TNNI3K: variants seen among roughly 807,000 people sequenced by gnomAD.
TNNI3K encodes TNNI3 interacting kinase.
A neutral mutation model predicts 114.5 loss-of-function variants in TNNI3K; 140 were observed. The observed-to-expected ratio is 1.22, with a 90% CI of 1.07 to 1.41. The LOEUF is 1.41. Among genes scored for constraint, TNNI3K ranks in the 40% most tolerant of loss-of-function variants. The pLI, the probability that TNNI3K is intolerant of heterozygous loss-of-function variation, is 0.00. For missense variants in TNNI3K, 1,125 were observed against 1,007.6 expected, an observed-to-expected ratio of 1.12 and a Z score of -1.58; for synonymous variants, 347 against 347.5, an observed-to-expected ratio of 1.00 and a Z score of 0.02.
chr1:74,499,272 G>T (rs1001361166), intron 23 of TNNI3K, among the ~76,000 whole-genome samples: 2 of 152,156 alleles, frequency 1.3e-5, no homozygotes, highest in Non-Finnish European at 2.9e-5. Flanking sequence ...CTCCTGAGTA[G>T]CTGGGACTAC....
intron 17 of TNNI3K, among the ~76,000 whole-genome samples, chr1:74,399,021 T>C (rs985550412): frequency 6.6e-6 from 1 of 151,624 alleles, no homozygotes; most frequent in African/African-American, 2.4e-5. Flanking sequence ...CCAGGCATGG[T>C]GGCGGGCGCC....
intron 23 of TNNI3K, among the ~76,000 whole-genome samples, chr1:74,538,500 T>A (rs578176836): frequency 1.3e-5 from 2 of 152,052 alleles, no homozygotes; most frequent in East Asian, 1.9e-4. Flanking sequence ...CCCACCCTCA[T>A]TGTGTGGAAA....
intron 17 of TNNI3K, chr1:74,416,221 G>C (rs1021816204): frequency 1.4e-5 from 12 of 884,570 alleles, no homozygotes; most frequent in Non-Finnish European, 1.6e-5. Flanking sequence ...ATTCAAAGAC[G>C]TGAGGAGTTT....
chr1:74,465,646 C>T lies in TNNI3K; in HGVS notation c.2121+2096C>T, dbSNP rs915327565. Among the ~76,000 whole-genome samples, 9 of 152,210 alleles carry T rather than the reference C, an allele frequency of 5.9e-5. No homozygotes were observed. The East Asian group carries it at 9.7e-4, about 16-fold the overall frequency. On this transcript the variant is annotated intron_variant, in intron 21 of 24. Coordinates refer to ENST00000326637, the MANE Select transcript of TNNI3K (RefSeq NM_015978.3). ...GCCCAAAGGCTGAGGAGTGCAGGCG[C>T]ATGATGCAGGACTGGTGGGCAGCTC... is the stretch of plus-strand genomic sequence containing the variant.
intron 23 of TNNI3K, among the ~76,000 whole-genome samples, chr1:74,520,261 C>G (rs1378233062): frequency 6.6e-6 from 1 of 152,140 alleles, no homozygotes. Flanking sequence ...AAAATTGACT[C>G]AACTGGAATC....
chr1:74,480,167 AC>A, intron 21 of TNNI3K: 1 of 716,870 alleles, frequency 1.4e-6, no homozygotes, highest in Non-Finnish European at 2.6e-6. Context: ...GAAGCCAAGG[AC>A]AGTCAGCAGG....
At chr1:74,438,339 A>G (rs1197556750) in intron 19 of TNNI3K, among the ~76,000 whole-genome samples, 1 of 152,068 alleles carries the variant, frequency 6.6e-6, no homozygotes, top group Non-Finnish European at 1.5e-5. Flanking sequence ...GAATAAAGAT[A>G]TTATTGGAAA....
chr1:74,384,088 A>C (rs1003027889), intron 17 of TNNI3K, among the ~76,000 whole-genome samples: 1 of 152,202 alleles, frequency 6.6e-6, no homozygotes, highest in Non-Finnish European at 1.5e-5. Context: ...GCACTGACTG[A>C]ATAGCAATGC....
intron 7 of TNNI3K, among the ~76,000 whole-genome samples, chr1:74,339,960 A>C (rs1307737024): frequency 1.3e-5 from 2 of 152,086 alleles, no homozygotes; most frequent in Non-Finnish European, 2.9e-5. Flanking sequence ...ACAGAGCTGG[A>C]TATTACAGAA....
chr1:74,465,344 C>G (rs1449149315), intron 21 of TNNI3K, among the ~76,000 whole-genome samples: 1 of 152,190 alleles, frequency 6.6e-6, no homozygotes, highest in Non-Finnish European at 1.5e-5. Context: ...TGGGTGCAGG[C>G]CCCATACTTG....
chr1:74,414,779 C>A (rs1327453075), intron 17 of TNNI3K, among the ~76,000 whole-genome samples: 2 of 152,192 alleles, frequency 1.3e-5, no homozygotes, highest in African/African-American at 4.8e-5. Context: ...TCACTATCGG[C>A]ATCACTGCCA....
chr1:74,499,882 G>T (rs1669519954), intron 23 of TNNI3K, among the ~76,000 whole-genome samples: 1 of 151,992 alleles, frequency 6.6e-6, no homozygotes, highest in Non-Finnish European at 1.5e-5. Context: ...GTGATAAATA[G>T]TTACATCCAT....
intron 24 of TNNI3K, among the ~76,000 whole-genome samples, chr1:74,540,936 G>T (rs1475571442): frequency 6.6e-6 from 1 of 152,096 alleles, no homozygotes; most frequent in Non-Finnish European, 1.5e-5. Context: ...TCAGGCCTCT[G>T]GAAGCCAGAG....
In TNNI3K at chr1:74,436,562, C is replaced by T. The variant is rs1168117782; in HGVS notation, c.1878+36C>T. The T allele has an allele frequency of 2.6e-6, 4 of 1,566,374 alleles. No individual in the cohort carries two copies. In the East Asian group the frequency reaches 9.2e-5, roughly 36 times the overall value. On this transcript the variant is annotated intron_variant, in intron 19 of 24. Transcript: ENST00000326637. Reference sequence around the variant, plus strand: ...GCTTGTGTTTCCTATAATTATAAACCAATTAAAATATGTAAACTCAGCATG... The same window carrying T: ...GCTTGTGTTTCCTATAATTATAAACTAATTAAAATATGTAAACTCAGCATG...
intron 20 of TNNI3K, among the ~76,000 whole-genome samples, chr1:74,455,615 T>C (rs1290481414): frequency 6.6e-6 from 1 of 152,340 alleles, no homozygotes; most frequent in Non-Finnish European, 1.5e-5. Context: ...AAGTCAGTGA[T>C]GTAATTCAGT....
chr1:74,379,260 G>A (rs957534048), intron 17 of TNNI3K, among the ~76,000 whole-genome samples: 1 of 151,856 alleles, frequency 6.6e-6, no homozygotes, highest in East Asian at 1.9e-4. Context: ...ATAATAGTAT[G>A]AAATAGGCTA....
intron 2 of TNNI3K, among the ~76,000 whole-genome samples, chr1:74,237,645 G>A (rs1356374485): frequency 6.6e-6 from 1 of 151,958 alleles, no homozygotes; most frequent in Non-Finnish European, 1.5e-5. Context: ...ACAACTACAA[G>A]CTGTTTTGAC....
intron 22 of TNNI3K, among the ~76,000 whole-genome samples, chr1:74,490,396 G>T (rs528251544): frequency 6.6e-6 from 1 of 152,170 alleles, no homozygotes; most frequent in Non-Finnish European, 1.5e-5. Flanking sequence ...TTGAAACTTA[G>T]GGTTTGAGTG....
Position 74,492,205 on chromosome 1 carries a change from A to G in TNNI3K, c.2290A>G (p.Arg764Gly). 6.2e-7 allele frequency: 1 copy of G among 1,613,096 alleles called. No homozygotes were observed. Among genetic ancestry groups the G allele is most frequent in the Non-Finnish European group, 8.5e-7 (1 of 1,179,290 alleles). Residue 764 changes from arginine (R) to glycine (G), a missense_variant, in exon 23 of 25, where the codon AGA becomes GGA. Coordinates refer to ENST00000326637, the MANE Select transcript of TNNI3K (RefSeq NM_015978.3). The part of the protein sequence containing the change: ...GPGRSHVAAL[R>G]SRFELEYALN... ...TGGCCGGAGTCATGTGGCAGCATTA[A>G]GAAGTCGTTTCGAATTGGAATATGC...
Sources: allele counts gnomAD v4.1 joint callset (sites outside exome capture counted in the v4.1 genomes callset), GRCh38; gene constraint gnomAD v4.1.1; transcripts MANE v1.5; gene names NCBI Gene and HGNC (gene_info 2026-07-23, HGNC 2026-07-21).